TRAF3: variants seen among roughly 807,000 people sequenced by gnomAD.
The protein encoded by TRAF3 is TNF receptor associated factor 3.
A neutral mutation model predicts 62.3 loss-of-function variants in TRAF3; 13 were observed. That is an observed-to-expected ratio of 0.21 (90% CI 0.14 to 0.33). The LOEUF (loss-of-function observed/expected upper bound fraction) is 0.33. Among genes scored for constraint, TRAF3 ranks in the 10% least tolerant of loss-of-function variants. TRAF3 has a pLI of 1.00. For synonymous variants in TRAF3, 269 were observed against 283.4 expected, an observed-to-expected ratio of 0.95 and a Z score of 0.51; for missense variants, 440 against 741.8, an observed-to-expected ratio of 0.59 and a Z score of 4.73.
At chr14:102,807,772 C>T (rs553471853) in intron 1 of TRAF3, among the ~76,000 whole-genome samples, 145 of 152,314 alleles carry the variant, frequency 9.5e-4, no homozygotes, top group African/African-American at 3.3e-3. Context: ...CTTATCCCTA[C>T]AGCTGGCAAA....
At chr14:102,843,932 GT>G (rs1341018299) in intron 2 of TRAF3, among the ~76,000 whole-genome samples, 1 of 152,214 alleles carries the variant, frequency 6.6e-6, no homozygotes, top group Non-Finnish European at 1.5e-5. Flanking sequence ...TCAGTAGACT[GT>G]TAAGATATCA....
At chr14:102,794,288 GC>G (rs1476836043) in intron 1 of TRAF3, among the ~76,000 whole-genome samples, 1 of 152,114 alleles carries the variant, frequency 6.6e-6, no homozygotes, top group African/African-American at 2.4e-5. Context: ...GATCCTCCCA[GC>G]CCAGCCTCCC....
chr14:102,850,517 T>C (rs1284030812), intron 2 of TRAF3, among the ~76,000 whole-genome samples: 1 of 151,822 alleles, frequency 6.6e-6, no homozygotes, highest in Non-Finnish European at 1.5e-5. Flanking sequence ...GCCAACATGG[T>C]GAAACCCTGT....
At chr14:102,783,984 G>A (rs1188576670) in intron 1 of TRAF3, among the ~76,000 whole-genome samples, 1 of 152,178 alleles carries the variant, frequency 6.6e-6, no homozygotes, top group Non-Finnish European at 1.5e-5. Context: ...ATGTAACAGA[G>A]TAAGAATGTT....
intron 10 of TRAF3, among the ~76,000 whole-genome samples, chr14:102,898,432 A>C (rs1566806880): frequency 6.6e-6 from 1 of 152,238 alleles, no homozygotes; most frequent in Non-Finnish European, 1.5e-5. Flanking sequence ...CTGAGGGCCC[A>C]GTGATGTGTC....
intron 11 of TRAF3, among the ~76,000 whole-genome samples, chr14:102,904,830 A>G (rs1890501897): frequency 3.3e-5 from 3 of 90,846 alleles, no homozygotes; most frequent in African/African-American, 1.6e-4. Context: ...AAAAAAAAAG[A>G]GCCAGGCACG....
Position 102,909,902 on chromosome 14 carries a change from G to A in TRAF3, c.*4118G>A, listed in dbSNP as rs369985542. The stretch of plus-strand genomic sequence containing the variant: ...GTGGACCCACATCCTACAGCCAGAG[G>A]TGATGTTGGACAAAGGAAGGGGAGT... On this transcript the variant is annotated 3_prime_UTR_variant, in exon 12 of 12. Coordinates refer to ENST00000392745, the MANE Select transcript of TRAF3 (RefSeq NM_145725.3). 6.6e-6 allele frequency: 1 copy of A among 152,288 alleles called. No individual in the cohort carries two copies. The highest frequency in any genetic ancestry group is 6.5e-5 in the Admixed American group (1 of 15,284). 9.4% of individuals were successfully genotyped at this position (152,288 alleles called of 1,614,324 possible). A position where few individuals can be genotyped will look rare whatever the true frequency, so the allele number is the denominator to read the frequency against.
At chr14:102,807,895 G>C (rs1898869698) in intron 1 of TRAF3, among the ~76,000 whole-genome samples, 1 of 152,166 alleles carries the variant, frequency 6.6e-6, no homozygotes, top group Non-Finnish European at 1.5e-5. Flanking sequence ...AAAAGGAAAT[G>C]GAAAACTAGC....
rs187054399 is a variant in TRAF3, at chr14:102,858,176, C to T, written c.-17-12009C>T. Among the ~76,000 whole-genome samples the T allele has an allele frequency of 7.8e-3, 1,173 of 149,656 alleles. 18 individuals carry two copies. Among genetic ancestry groups the T allele is most frequent in the African/African-American group, 0.027 (1,111 of 40,560 alleles). ...CTTCTTTTTTTTTTTTTTCTTGAGA[C>T]AGTCTCACTCTGTCGCCCAGGCTGG... is the stretch of plus-strand genomic sequence containing the variant. On this transcript the variant is annotated intron_variant, in intron 2 of 11. Transcript: ENST00000392745.
intron 1 of TRAF3, among the ~76,000 whole-genome samples, chr14:102,808,041 A>G (rs902012627): frequency 2.0e-5 from 3 of 152,188 alleles, no homozygotes; most frequent in African/African-American, 7.2e-5. Flanking sequence ...AGGTGAAGGA[A>G]TGCATGGATG....
At chr14:102,888,229 T>C (rs2139929012) in intron 7 of TRAF3, among the ~76,000 whole-genome samples, 1 of 152,362 alleles carries the variant, frequency 6.6e-6, no homozygotes, top group Admixed American at 6.5e-5. Context: ...GTCTTCACAC[T>C]GCGTTTCCTT....
intron 2 of TRAF3, among the ~76,000 whole-genome samples, chr14:102,832,160 T>C (rs976135496): frequency 2.0e-5 from 3 of 152,228 alleles, no homozygotes; most frequent in Admixed American, 2.0e-4. Flanking sequence ...GAAGTATATA[T>C]ATTATGGAAT....
intron 1 of TRAF3, among the ~76,000 whole-genome samples, chr14:102,784,406 A>G (rs1037149492): frequency 1.3e-5 from 2 of 152,022 alleles, no homozygotes; most frequent in African/African-American, 4.8e-5. Flanking sequence ...TATTTTTAGT[A>G]GAAACAGGGT....
In TRAF3 at chr14:102,806,119, G is replaced by A. The variant is rs138927618; in HGVS notation, c.-156-24215G>A. Among the ~76,000 whole-genome samples the A allele has an allele frequency of 5.4e-3, 821 of 152,218 alleles. 6 individuals are homozygous for A. Among genetic ancestry groups the A allele is most frequent in the Admixed American group, 9.9e-3 (151 of 15,290 alleles). On this transcript the variant is annotated intron_variant, in intron 1 of 11. Coordinates refer to ENST00000392745, the MANE Select transcript of TRAF3 (RefSeq NM_145725.3). ...TGCCACTGGCATTGGTAAGTAGAAC[G>A]AGGGATGCTGTGAACACCCTGCAGT...
chr14:102,790,895 C>T (rs932370140), intron 1 of TRAF3, among the ~76,000 whole-genome samples: 29 of 151,976 alleles, frequency 1.9e-4, no homozygotes, highest in African/African-American at 6.3e-4. Context: ...TCACCTTTTT[C>T]ATTTCTGCAA....
At chr14:102,790,656 C>G (rs1248010951) in intron 1 of TRAF3, among the ~76,000 whole-genome samples, 1 of 152,112 alleles carries the variant, frequency 6.6e-6, no homozygotes, top group Non-Finnish European at 1.5e-5. Context: ...GATTCAGTTA[C>G]CTCCCCCTGG....
intron 7 of TRAF3, among the ~76,000 whole-genome samples, chr14:102,888,113 G>T (rs1199636119): frequency 6.6e-6 from 1 of 152,190 alleles, no homozygotes; most frequent in Non-Finnish European, 1.5e-5. Context: ...GTGTGTCAGT[G>T]TGTCCCTGGC....
chr14:102,780,323 A>C (rs2140045951), intron 1 of TRAF3, among the ~76,000 whole-genome samples: 1 of 152,002 alleles, frequency 6.6e-6, no homozygotes, highest in South Asian at 2.1e-4. Flanking sequence ...TTTTAAATAG[A>C]AAAGAAAAAA....
intron 5 of TRAF3, 125 bp downstream of exon 5, chr14:102,875,853 C>T (rs1384090329): frequency 6.1e-6 from 5 of 825,038 alleles, no homozygotes; most frequent in African/African-American, 3.4e-5. Context: ...TTTCAAAACA[C>T]AGCCAAATAG....
Sources: allele counts gnomAD v4.1 joint callset (sites outside exome capture counted in the v4.1 genomes callset), GRCh38; gene constraint gnomAD v4.1.1; transcripts MANE v1.5; gene names NCBI Gene and HGNC (gene_info 2026-07-23, HGNC 2026-07-21).